The following CCDC73 variants were observed in gnomAD, a reference collection of about 807,000 sequenced individuals.
CCDC73 encodes the protein coiled-coil domain-containing protein 73.
A neutral mutation model predicts 116.5 loss-of-function variants in CCDC73; 95 were observed. The ratio of observed to expected loss-of-function variants is 0.82; its 90% CI spans 0.69 to 0.97. The LOEUF (loss-of-function observed/expected upper bound fraction) is 0.97. CCDC73 is among the 50% of genes least tolerant of loss of function. The pLI, the probability that CCDC73 is intolerant of heterozygous loss-of-function variation, is 0.00. For missense variants in CCDC73, 1,066 were observed against 1,206.8 expected, an observed-to-expected ratio of 0.88 and a Z score of 1.73; for synonymous variants, 398 against 401.3, an observed-to-expected ratio of 0.99 and a Z score of 0.10.
chr11:32,702,477 T>G (rs565447221), intron 4 of CCDC73, among the ~76,000 whole-genome samples: 1 of 152,252 alleles, frequency 6.6e-6, no homozygotes, highest in Non-Finnish European at 1.5e-5. Flanking sequence ...TACTTGCATC[T>G]CAGATTTTGA....
chr11:32,736,365 C>T (rs986733941), intron 2 of CCDC73, among the ~76,000 whole-genome samples: 3 of 152,118 alleles, frequency 2.0e-5, no homozygotes, highest in Non-Finnish European at 4.4e-5. Flanking sequence ...TGAACAGACA[C>T]TTCTCAAAAG....
chr11:32,806,442 G>A, the CCDC73 span, among the ~76,000 whole-genome samples: 36 of 152,042 alleles, frequency 2.4e-4, no homozygotes, highest in East Asian at 1.9e-4. Flanking sequence ...TGGGCAACAC[G>A]GTGAAACCCC....
At chr11:32,706,547 T>A (rs762069405) in intron 3 of CCDC73, among the ~76,000 whole-genome samples, 11 of 152,194 alleles carry the variant, frequency 7.2e-5, no homozygotes, top group Admixed American at 1.3e-4. Context: ...AAAATAATTG[T>A]CATGGTCTAG....
chr11:32,670,047 G>C (rs934051797), intron 9 of CCDC73, among the ~76,000 whole-genome samples: 2 of 152,128 alleles, frequency 1.3e-5, no homozygotes, highest in African/African-American at 2.4e-5. Flanking sequence ...TTAAAATAAT[G>C]TACACCTTTC....
chr11:32,737,617 CAAA>C (rs35749199), intron 2 of CCDC73, among the ~76,000 whole-genome samples: 2 of 118,888 alleles, frequency 1.7e-5, no homozygotes, highest in Non-Finnish European at 3.7e-5. Context: ...GACTGTGTCT[CAAA>C]AAAAAAAAAA....
chr11:32,755,717 A>ATG (rs1360293578), intron 2 of CCDC73, among the ~76,000 whole-genome samples: 1 of 47,104 alleles, frequency 2.1e-5, no homozygotes, highest in African/African-American at 9.5e-5. Context: ...CTCCATATAT[A>ATG]TGTGTATATA....
chr11:32,764,024 T>C (rs1463031022), intron 1 of CCDC73, among the ~76,000 whole-genome samples: 2 of 151,946 alleles, frequency 1.3e-5, no homozygotes, highest in African/African-American at 4.8e-5. Flanking sequence ...TGATTGAAGA[T>C]CAAATGAATG....
At chr11:32,651,647 G>C (rs1049754302) in intron 12 of CCDC73, among the ~76,000 whole-genome samples, 2 of 152,216 alleles carry the variant, frequency 1.3e-5, no homozygotes, top group African/African-American at 4.8e-5. Flanking sequence ...TTCATTTACA[G>C]AATGTAAATT....
chr11:32,674,290 G>A (rs1187502296), intron 9 of CCDC73, among the ~76,000 whole-genome samples: 3 of 152,194 alleles, frequency 2.0e-5, no homozygotes, highest in African/African-American at 7.2e-5. Context: ...CAGAGGTAGG[G>A]AGGTGGTCCT....
At chr11:32,750,052 A>G (rs1178698472) in intron 2 of CCDC73, among the ~76,000 whole-genome samples, 6 of 151,764 alleles carry the variant, frequency 4.0e-5, no homozygotes, top group Non-Finnish European at 8.8e-5. Flanking sequence ...TTGTATTTTT[A>G]GTAGAGACGG....
intron 1 of CCDC73, among the ~76,000 whole-genome samples, chr11:32,761,751 A>G (rs986817349): frequency 6.6e-6 from 1 of 152,096 alleles, no homozygotes; most frequent in African/African-American, 2.4e-5. Flanking sequence ...GCACATATAT[A>G]TAGACACAGA....
intron 1 of CCDC73, among the ~76,000 whole-genome samples, chr11:32,770,256 CA>C (rs1363937853): frequency 6.6e-6 from 1 of 152,090 alleles, no homozygotes; most frequent in Non-Finnish European, 1.5e-5. Context: ...TTTAAGAGTT[CA>C]AAGGTAGAAA....
chr11:32,816,039 G>A, the CCDC73 span, among the ~76,000 whole-genome samples: 2 of 152,202 alleles, frequency 1.3e-5, no homozygotes, highest in African/African-American at 4.8e-5. Flanking sequence ...AACCAAGGAT[G>A]CCTACTAAGC....
intron 3 of CCDC73, among the ~76,000 whole-genome samples, chr11:32,716,507 T>G (rs1849947430): frequency 6.6e-6 from 1 of 152,236 alleles, no homozygotes; most frequent in Admixed American, 6.5e-5. Flanking sequence ...TATTTCCACA[T>G]AAACCTTAGA....
At chr11:32,639,518 C>T (rs545509766) in intron 13 of CCDC73, among the ~76,000 whole-genome samples, 14 of 151,794 alleles carry the variant, frequency 9.2e-5, no homozygotes, top group Non-Finnish European at 1.3e-4. Context: ...GGTGCGATCT[C>T]GGCTCACTGC....
At chr11:32,684,319 C>A (rs959652575) in intron 6 of CCDC73, among the ~76,000 whole-genome samples, 21 of 152,140 alleles carry the variant, frequency 1.4e-4, no homozygotes, top group African/African-American at 4.1e-4. Context: ...TCTTATAGTG[C>A]TGAGATTACA....
chr11:32,718,516 G>A (rs1849964445), intron 2 of CCDC73, among the ~76,000 whole-genome samples: 1 of 152,186 alleles, frequency 6.6e-6, no homozygotes, highest in African/African-American at 2.4e-5. Flanking sequence ...GTACTTTCTA[G>A]CAGGCTTTTC....
At chr11:32,634,143 G>A (rs1407966567) in intron 14 of CCDC73, among the ~76,000 whole-genome samples, 1 of 151,826 alleles carries the variant, frequency 6.6e-6, no homozygotes, top group African/African-American at 2.4e-5. Context: ...TCTATACATT[G>A]AAAGGAATAT....
the CCDC73 span, among the ~76,000 whole-genome samples, chr11:32,824,953 C>T: frequency 3.9e-5 from 6 of 152,078 alleles, no homozygotes; most frequent in African/African-American, 1.2e-4. Context: ...GGCATGATGG[C>T]ATGTGCCTGA....
Sources: allele counts gnomAD v4.1 joint callset (sites outside exome capture counted in the v4.1 genomes callset), GRCh38; gene constraint gnomAD v4.1.1; transcripts MANE v1.5; gene names NCBI Gene and HGNC (gene_info 2026-07-23, HGNC 2026-07-21).